EYS: variants seen among roughly 807,000 people sequenced by gnomAD.
EYS encodes the protein protein eyes shut homolog.
Under a neutral mutation model 282.1 loss-of-function variants are expected in EYS, and 250 were observed. The ratio of observed to expected loss-of-function variants is 0.89; its 90% CI spans 0.80 to 0.98. The LOEUF is 0.98. Ranked by LOEUF, EYS falls within the 50% of genes least tolerant of loss-of-function variation. The probability of loss-of-function intolerance (pLI) is 0.00; values close to 1 mark genes in which losing one functional copy is unlikely to be tolerated. For synonymous variants in EYS, 1,355 were observed against 1,282.9 expected (o/e 1.06, Z -1.20); for missense variants, 4,016 against 3,709.0 (o/e 1.08, Z -2.15).
chr6:64,510,835 T>A (rs1336364001), intron 26 of EYS, among the ~76,000 whole-genome samples: 3 of 152,078 alleles, frequency 2.0e-5, no homozygotes, highest in Non-Finnish European at 4.4e-5. Flanking sequence ...CTCTAGAATA[T>A]GTTAGAACCT....
chr6:64,467,615 C>T (rs147417974), intron 26 of EYS, among the ~76,000 whole-genome samples: 314 of 152,246 alleles, frequency 2.1e-3, no homozygotes, highest in Non-Finnish European at 3.5e-3. Flanking sequence ...CCACTTATTA[C>T]CACCACTGAA....
At chr6:64,085,340 G>GCGCACACACACACACACAAACACA (rs112388321) in intron 31 of EYS, among the ~76,000 whole-genome samples, 1 of 139,814 alleles carries the variant, frequency 7.2e-6, no homozygotes, top group African/African-American at 2.8e-5. Flanking sequence ...ACGTGCGCGC[G>GCGCACACACACACACACAAACACA]CACACACACA....
At chr6:63,985,977 A>T (rs1767341240) in intron 34 of EYS, among the ~76,000 whole-genome samples, 1 of 151,918 alleles carries the variant, frequency 6.6e-6, no homozygotes, top group African/African-American at 2.4e-5. Flanking sequence ...TTGTCAGCAG[A>T]GTAAATAGAC....
chr6:64,825,530 T>G (rs1749534096), intron 19 of EYS, among the ~76,000 whole-genome samples: 1 of 151,878 alleles, frequency 6.6e-6, no homozygotes, highest in South Asian at 2.1e-4. Context: ...ATCTGTTATT[T>G]TCTCAGAAAT....
At chr6:63,740,392 G>A (rs1769045336) in intron 41 of EYS, among the ~76,000 whole-genome samples, 1 of 152,166 alleles carries the variant, frequency 6.6e-6, no homozygotes, top group African/African-American at 2.4e-5. Context: ...TGCCATGATT[G>A]TGAGGCCTCT....
intron 19 of EYS, among the ~76,000 whole-genome samples, chr6:64,861,154 C>T (rs1165881032): frequency 6.6e-6 from 1 of 152,180 alleles, no homozygotes; most frequent in Non-Finnish European, 1.5e-5. Flanking sequence ...TGTTCATGCC[C>T]AGGGGTTCTG....
chr6:65,618,084 G>T (rs369307758), intron 2 of EYS, among the ~76,000 whole-genome samples: 1 of 152,086 alleles, frequency 6.6e-6, no homozygotes, highest in South Asian at 2.1e-4. Flanking sequence ...GGGATGGCTG[G>T]GTCAAATGGT....
intron 41 of EYS, among the ~76,000 whole-genome samples, chr6:63,757,174 C>G (rs1769509643): frequency 6.6e-6 from 1 of 151,862 alleles, no homozygotes; most frequent in African/African-American, 2.4e-5. Flanking sequence ...CTTTTCCTAG[C>G]AAGGAATGTT....
chr6:63,758,101 C>G (rs1366114607), intron 41 of EYS, among the ~76,000 whole-genome samples: 1 of 152,042 alleles, frequency 6.6e-6, no homozygotes, highest in East Asian at 1.9e-4. Context: ...GAGGATTTTG[C>G]TATGTTGCCC....
intron 12 of EYS, among the ~76,000 whole-genome samples, chr6:65,157,370 TAG>T (rs1764753027): frequency 6.6e-6 from 1 of 150,816 alleles, no homozygotes; most frequent in African/African-American, 2.4e-5. Flanking sequence ...ATCAAATCTA[TAG>T]AGTTTAATTA....
intron 10 of EYS, among the ~76,000 whole-genome samples, chr6:65,343,563 C>A (rs1291461884): frequency 2.6e-5 from 4 of 151,238 alleles, no homozygotes; most frequent in East Asian, 3.9e-4. Context: ...ATAGGCCTCA[C>A]AATTTTTAGT....
At chr6:63,975,670 G>T (rs115911097) in intron 35 of EYS, among the ~76,000 whole-genome samples, 1,952 of 152,106 alleles carry the variant, frequency 0.013, 36 homozygotes, top group African/African-American at 0.044. Context: ...TTCTGGTAAT[G>T]CAAAAAGTGT....
intron 36 of EYS, among the ~76,000 whole-genome samples, chr6:63,808,501 A>G (rs558677510): frequency 6.6e-6 from 1 of 152,324 alleles, no homozygotes; most frequent in Non-Finnish European, 1.5e-5. Context: ...TCAAGGATGA[A>G]AATAAGAACT....
chr6:64,460,939 T>G (rs1775725203), intron 26 of EYS, among the ~76,000 whole-genome samples: 1 of 152,218 alleles, frequency 6.6e-6, no homozygotes, highest in African/African-American at 2.4e-5. Flanking sequence ...AAATTCATTC[T>G]TCTCAAAATT....
chr6:64,234,979 G>A (rs1490137166), intron 30 of EYS, among the ~76,000 whole-genome samples: 1 of 151,946 alleles, frequency 6.6e-6, no homozygotes, highest in African/African-American at 2.4e-5. Flanking sequence ...CCGGGTTCAA[G>A]CGATTCTCCT....
intron 42 of EYS, among the ~76,000 whole-genome samples, 175 bp from the exon 43 acceptor site, chr6:63,721,972 ATTC>A (rs762498892): frequency 6.6e-5 from 10 of 152,230 alleles, no homozygotes; most frequent in Non-Finnish European, 1.0e-4. Context: ...TATATCCTGT[ATTC>A]TTTCATTTTG....
At chr6:64,976,882 C>G (rs1165353407) in intron 14 of EYS, among the ~76,000 whole-genome samples, 1 of 151,584 alleles carries the variant, frequency 6.6e-6, no homozygotes, top group East Asian at 2.0e-4. Context: ...ATATACTTAT[C>G]AGTACTATTA....
At chr6:65,528,237 A>G (rs2127305109) in intron 2 of EYS, among the ~76,000 whole-genome samples, 1 of 152,332 alleles carries the variant, frequency 6.6e-6, no homozygotes, top group African/African-American at 2.4e-5. Flanking sequence ...TCTGATTGTT[A>G]GGAGCAACAT....
rs567098364 is a variant in EYS, at chr6:64,768,328, T to C, written c.3443+45050A>G. Among the ~76,000 whole-genome samples, 6 of 152,220 alleles carry C rather than the reference T, an allele frequency of 3.9e-5. No individual in the cohort carries two copies. The South Asian group carries it at 1.2e-3, about 32-fold the overall frequency. The stretch of plus-strand genomic sequence containing the variant: ...ATAGAAAATATAAAAACCATGATGA[T>C]AATAAAAATGATTTTTAATGTTGCC... On this transcript the variant is annotated intron_variant, in intron 22 of 42. Coordinates refer to ENST00000503581, the MANE Select transcript of EYS (RefSeq NM_001142800.2).
Sources: gnomAD v4.1 joint callset for allele counts (sites outside exome capture counted in the v4.1 genomes callset) on GRCh38, gnomAD v4.1.1 for gene constraint, MANE v1.5 for transcripts, NCBI Gene and HGNC (gene_info 2026-07-23, HGNC 2026-07-21) for gene names.